DOK1: variants seen among roughly 807,000 people sequenced by gnomAD.
DOK1 encodes docking protein 1, also known as Downstream of tyrosine kinase 1.
Under a neutral mutation model 24.0 loss-of-function variants are expected in DOK1, and 12 were observed. The observed-to-expected ratio is 0.50, with a 90% CI of 0.32 to 0.81. The LOEUF is 0.81. Among genes scored for constraint, DOK1 ranks in the 30% least tolerant of loss-of-function variants. DOK1 has a pLI of 0.03. For synonymous variants in DOK1, 250 were observed against 260.9 expected (o/e 0.96, Z 0.40); for missense variants, 591 against 620.7 (o/e 0.95, Z 0.51).
In DOK1 at chr2:74,555,334, C is replaced by A; in HGVS notation, c.241C>A (p.Pro81Thr). The change falls in exon 2 of 5, where the codon CCC becomes ACC. Residue 81 changes from proline (P) to threonine (T), a missense_variant. Pro to Thr is a conservative substitution (Grantham distance 38, BLOSUM62 -1). Coordinates refer to ENST00000233668, the MANE Select transcript of DOK1 (RefSeq NM_001381.5). This position sits in a 1 kb window ranked among gnomAD's most constrained non-coding sequence, Gnocchi z 6.1. ...VSVAPVTVET[P>T]PEPGATAFRL... ...TGTGGCCCCCGTCACCGTGGAGACC[C>A]CCCCTGAGCCCGGCGCCACTGCCTT... is the stretch of plus-strand genomic sequence containing the variant. The A allele has an allele frequency of 6.2e-7, 1 of 1,613,968 alleles. No homozygotes were observed. The highest frequency in any genetic ancestry group is 8.5e-7 in the Non-Finnish European group (1 of 1,179,972).
Position 74,549,588 on chromosome 2 carries a change from G to T in DOK1, c.-358+416G>T, listed in dbSNP as rs754925598. 6.9e-6 allele frequency: 11 copies of T among 1,600,208 alleles called. No individual in the cohort carries two copies. Among genetic ancestry groups the T allele is most frequent in the Admixed American group, 3.4e-5 (2 of 59,290 alleles). On this transcript the variant is annotated intron_variant, in intron 1 of 4. Transcript: ENST00000409429. This position sits in a 1 kb window ranked among gnomAD's most constrained non-coding sequence, Gnocchi z 5.3. ...CACTTGCAGGTGATGCTCTACCTGG[G>T]GGCGGGGCCACAAGCAGGGAAAGAA...
chr2:74,555,047 G>A lies in DOK1; in HGVS notation c.61-107G>A. 6.9e-7 allele frequency: 1 copy of A among 1,449,022 alleles called. No homozygotes were observed. The highest frequency in any genetic ancestry group is 2.5e-5 in the East Asian group (1 of 40,642). 89.8% of individuals were successfully genotyped at this position (1,449,022 alleles called of 1,614,324 possible). A position where few individuals can be genotyped will look rare whatever the true frequency, so the allele number is the denominator to read the frequency against. On this transcript the variant is annotated intron_variant, in intron 1 of 4. Transcript: ENST00000233668. The surrounding 1 kb of genome is among the most constrained non-coding windows in gnomAD (Gnocchi z 6.1). ...GGAAACTTCGCCCCCAACCCCGTTT[G>A]GAAGCCCCAGATCCCAAATCGACTT...
At position 74,556,540 on chromosome 2, in the gene DOK1, G is replaced by T. The variant is rs1230041965; in HGVS notation, c.872G>T (p.Ser291Ile). Residue 291 changes from serine (S) to isoleucine (I), a missense_variant, in exon 5 of 5, where the codon AGT (serine) becomes ATT (isoleucine). Coordinates refer to ENST00000233668, the MANE Select transcript of DOK1 (RefSeq NM_001381.5). The surrounding 1 kb of genome is among the most constrained non-coding windows in gnomAD (Gnocchi z 4.1). ...SPPGPQELLD[S>I]PPALYAEPLD... ...CCTGGCCCCCAAGAGCTCCTCGACA[G>T]TCCCCCAGCCCTGTATGCTGAGCCC... The T allele has an allele frequency of 6.2e-7, 1 of 1,614,184 alleles. No homozygotes were observed. Among genetic ancestry groups the T allele is most frequent in the African/African-American group, 1.3e-5 (1 of 75,048 alleles).
At position 74,555,525 on chromosome 2, in the gene DOK1, C is replaced by G; in HGVS notation, c.361-50C>G. 5 of 1,613,264 alleles carry G rather than the reference C, an allele frequency of 3.1e-6. No homozygotes were observed. Among genetic ancestry groups the G allele is most frequent in the Non-Finnish European group, 2.5e-6 (3 of 1,179,786 alleles). ...GAAATGGGGCTGCCTCAGACCGACC[C>G]CCGCTCCCCGCTGAGGAAATTACGG... On this transcript the variant is annotated intron_variant, in intron 2 of 4. Transcript: ENST00000233668. This position sits in a 1 kb window ranked among gnomAD's most constrained non-coding sequence, Gnocchi z 6.1.
At position 74,557,025 on chromosome 2, in the gene DOK1, C is replaced by T; in HGVS notation, c.1357C>T (p.Gln453Ter). 1 of 1,614,216 alleles carries T rather than the reference C, an allele frequency of 6.2e-7. No individual in the cohort carries two copies. The highest frequency in any genetic ancestry group is 8.5e-7 in the Non-Finnish European group (1 of 1,180,048). ...SHNSALYSQV[Q>*]KSGASGSWDC... ...CAACTCAGCCCTGTACAGCCAGGTC[C>T]AGAAGAGCGGGGCCTCAGGGAGCTG... The change falls in exon 5 of 5, where the codon CAG (glutamine) becomes TAG (stop). Residue 453 changes from glutamine to a stop codon, truncating the protein, a stop_gained. Coordinates refer to ENST00000233668, the MANE Select transcript of DOK1 (RefSeq NM_001381.5). LOFTEE classifies it low-confidence loss of function (END_TRUNC).
chr2:74,552,673 G>C (rs372837797), upstream of DOK1: 13 of 1,482,978 alleles, frequency 8.8e-6, no homozygotes, highest in South Asian at 2.6e-5. Context: ...CAAAGTGTGC[G>C]TGAGAGAAAC....
In DOK1 at chr2:74,555,481, G is replaced by A. The variant is rs2104468659; in HGVS notation, c.360+28G>A. 1 of 1,608,560 alleles carries A rather than the reference G, an allele frequency of 6.2e-7. No homozygotes were observed. Among genetic ancestry groups the A allele is most frequent in the African/African-American group, 1.3e-5 (1 of 75,020 alleles). ...GAGGAGCTGCGGCGATGCGGGGTGG[G>A]GGCAGTTACAGAGGCAGAGAAATGG... On this transcript the variant is annotated intron_variant, in intron 2 of 4. Coordinates refer to ENST00000233668, the MANE Select transcript of DOK1 (RefSeq NM_001381.5). The surrounding 1 kb of genome is among the most constrained non-coding windows in gnomAD (Gnocchi z 6.1).
At position 74,556,988 on chromosome 2, in the gene DOK1, C is replaced by T. The variant is rs1677524192; in HGVS notation, c.1320C>T (p.Gly440=). ...FPEPGTATGS[G]IKSHNSALYS... is the part of the protein sequence containing the mutation. ...AACCTGGTACTGCAACTGGCAGTGG[C>T]ATCAAAAGCCACAACTCAGCCCTGT... is the stretch of plus-strand genomic sequence containing the variant. The change falls in exon 5 of 5, where the codon GGC becomes GGT. Residue 440 remains glycine (G), a synonymous_variant. Transcript: ENST00000233668. This position sits in a 1 kb window ranked among gnomAD's most constrained non-coding sequence, Gnocchi z 4.1. The T allele has an allele frequency of 6.2e-7, 1 of 1,614,176 alleles. No homozygotes were observed. Among genetic ancestry groups the T allele is most frequent in the Non-Finnish European group, 8.5e-7 (1 of 1,180,040 alleles).
chr2:74,554,747 C>A lies in DOK1; in HGVS notation c.-8C>A. The stretch of plus-strand genomic sequence containing the variant: ...GGCCAGGAAGCGCGGAAGGAACCGC[C>A]GGGGGCCATGGACGGAGCAGTGATG... On this transcript the variant is annotated 5_prime_UTR_variant, in exon 1 of 5. Transcript: ENST00000233668. This position sits in a 1 kb window ranked among gnomAD's most constrained non-coding sequence, Gnocchi z 4.9. The A allele has an allele frequency of 6.2e-7, 1 of 1,611,542 alleles. No homozygotes were observed. The highest frequency in any genetic ancestry group is 1.3e-5 in the African/African-American group (1 of 74,992).
At chr2:74,549,770 G>C (rs1676878622), upstream of DOK1, 1 of 1,428,678 alleles carries the variant, frequency 7.0e-7, no homozygotes, top group Non-Finnish European at 9.1e-7. The surrounding 1 kb of genome is among the most constrained non-coding windows in gnomAD (Gnocchi z 5.3). Context: ...CCAGCAGCGC[G>C]TGGGATGTGC....
chr2:74,556,285 G>C lies in DOK1; in HGVS notation c.640-23G>C. 3 of 1,600,736 alleles carry C rather than the reference G, an allele frequency of 1.9e-6. No homozygotes were observed. The highest frequency in any genetic ancestry group is 2.6e-6 in the Non-Finnish European group (3 of 1,171,548). ...TTCCTCTGATGGCTCCTGGTAATGT[G>C]TTTCCCCCTCTACCCTCCTTAGGTC... On this transcript the variant is annotated intron_variant, in intron 4 of 4. Transcript: ENST00000233668. This position sits in a 1 kb window ranked among gnomAD's most constrained non-coding sequence, Gnocchi z 4.1.
chr2:74,556,693 A>G lies in DOK1; in HGVS notation c.1025A>G (p.Glu342Gly). The change falls in exon 5 of 5, where the codon GAG (glutamate) becomes GGG (glycine). Residue 342 changes from glutamate (E) to glycine (G), a missense_variant. Glu to Gly is a moderately conservative substitution (Grantham distance 98, BLOSUM62 -2). Transcript: ENST00000233668. This position sits in a 1 kb window ranked among gnomAD's most constrained non-coding sequence, Gnocchi z 4.1. ...RKKPLYWDLYEHAQQQLLKAK... is the reference protein window; with the variant it reads ...RKKPLYWDLYGHAQQQLLKAK... ...AAACCTCTCTATTGGGACTTGTATG[A>G]GCATGCGCAGCAGCAGTTGCTGAAG... 2 of 1,614,248 alleles carry G rather than the reference A, an allele frequency of 1.2e-6. No homozygotes were observed. Among genetic ancestry groups the G allele is most frequent in the African/African-American group, 2.7e-5 (2 of 75,058 alleles).
Position 74,554,843 on chromosome 2 carries a change from A to G in DOK1, c.60+29A>G, listed in dbSNP as rs1677298694. ...GTCTGGCGCATGGATGCCGAACCTT[A>G]TCCGGGCTAGTAGTGGGTGAGAGAG... On this transcript the variant is annotated intron_variant, in intron 1 of 4. Transcript: ENST00000233668. The surrounding 1 kb of genome is among the most constrained non-coding windows in gnomAD (Gnocchi z 4.9). 2 of 1,613,138 alleles carry G rather than the reference A, an allele frequency of 1.2e-6. No homozygotes were observed. Among genetic ancestry groups the G allele is most frequent in the Admixed American group, 3.3e-5 (2 of 59,860 alleles).
At position 74,555,037 on chromosome 2, in the gene DOK1, A is replaced by G; in HGVS notation, c.61-117A>G. 7.0e-7 allele frequency: 1 copy of G among 1,430,978 alleles called. No individual in the cohort carries two copies. Among genetic ancestry groups the G allele is most frequent in the Non-Finnish European group, 9.4e-7 (1 of 1,066,478 alleles). The allele number at this position is 1,430,978 out of a possible 1,614,324, so 88.6% of individuals were successfully genotyped here. On this transcript the variant is annotated intron_variant, in intron 1 of 4. Transcript: ENST00000233668. The surrounding 1 kb of genome is among the most constrained non-coding windows in gnomAD (Gnocchi z 6.1). ...ATCGTCCTTGGGAAACTTCGCCCCC[A>G]ACCCCGTTTGGAAGCCCCAGATCCC... is the stretch of plus-strand genomic sequence containing the variant.
chr2:74,552,705 CAGAA>C (rs1317846287), upstream of DOK1: 17 of 1,389,794 alleles, frequency 1.2e-5, no homozygotes, highest in East Asian at 4.3e-4. Flanking sequence ...GGCCCAGAGT[CAGAA>C]AGAGAGGGAG....
At chr2:74,554,321 G>A (rs1253353158), upstream of DOK1, 1 of 177,434 alleles carries the variant, frequency 5.6e-6, no homozygotes, top group African/African-American at 2.4e-5. The surrounding 1 kb of genome is among the most constrained non-coding windows in gnomAD (Gnocchi z 4.9). Context: ...TAAACAGCCC[G>A]GCTCGGGCGG....
chr2:74,552,397 G>A (rs759757754), upstream of DOK1: 6 of 1,613,546 alleles, frequency 3.7e-6, no homozygotes, highest in South Asian at 5.5e-5. Context: ...CAGAGGATGT[G>A]GGCAGCCTGC....
upstream of DOK1, among the ~76,000 whole-genome samples, chr2:74,551,291 A>T (rs1425199441): frequency 6.6e-6 from 1 of 152,242 alleles, no homozygotes; most frequent in Non-Finnish European, 1.5e-5. Context: ...CTCAAAGGTC[A>T]TCTGTCCTAG....
rs1372776549 is a variant in DOK1, at chr2:74,555,338, C to T, written c.245C>T (p.Pro82Leu). The change falls in exon 2 of 5, where the codon CCT becomes CTT. Residue 82 changes from proline to leucine, a missense_variant. Physicochemically the swap from Pro to Leu is moderately conservative, Grantham distance 98. Coordinates refer to ENST00000233668, the MANE Select transcript of DOK1 (RefSeq NM_001381.5). This position sits in a 1 kb window ranked among gnomAD's most constrained non-coding sequence, Gnocchi z 6.1. Reference protein sequence around the residue: ...SVAPVTVETPPEPGATAFRLD... With the variant: ...SVAPVTVETPLEPGATAFRLD... ...GCCCCCGTCACCGTGGAGACCCCCC[C>T]TGAGCCCGGCGCCACTGCCTTCCGC... 1.2e-6 allele frequency: 2 copies of T among 1,613,870 alleles called. No homozygotes were observed. The highest frequency in any genetic ancestry group is 2.7e-5 in the African/African-American group (2 of 74,938).
Sources: allele counts gnomAD v4.1 joint callset (sites outside exome capture counted in the v4.1 genomes callset), GRCh38; gene constraint gnomAD v4.1.1; non-coding constraint Gnocchi (gnomAD v3.1); transcripts MANE v1.5; gene names NCBI Gene and HGNC (gene_info 2026-07-23, HGNC 2026-07-21).